The following HCN4 variants were observed in gnomAD, a reference collection of about 807,000 sequenced individuals.
HCN4 encodes the protein potassium/sodium hyperpolarization-activated cyclic nucleotide-gated channel 4.
Under a neutral mutation model 76.9 loss-of-function variants are expected in HCN4, and 29 were observed. The ratio of observed to expected loss-of-function variants is 0.38; its 90% CI spans 0.28 to 0.51. The LOEUF (loss-of-function observed/expected upper bound fraction) is 0.51. Ranked by LOEUF, HCN4 falls within the 20% of genes least tolerant of loss-of-function variation. The pLI is 0.90. For missense variants in HCN4, 1,416 were observed against 1,715.2 expected (o/e 0.83, Z 3.08); for synonymous variants, 772 against 762.5 (o/e 1.01, Z -0.21).
chr15:73,335,062 G>A (rs2042955413), intron 2 of HCN4, among the ~76,000 whole-genome samples: 1 of 152,144 alleles, frequency 6.6e-6, no homozygotes, highest in South Asian at 2.1e-4. Context: ...AAAAAAAAAG[G>A]CCTTACCAGA....
chr15:73,359,039 T>C (rs11636462), intron 1 of HCN4, among the ~76,000 whole-genome samples: 1 of 152,192 alleles, frequency 6.6e-6, no homozygotes, highest in African/African-American at 2.4e-5. Context: ...GCCCCCATTA[T>C]GTATTAATTT....
chr15:73,331,202 ACT>A (rs1229074780), intron 3 of HCN4, among the ~76,000 whole-genome samples: 1 of 151,512 alleles, frequency 6.6e-6, no homozygotes, highest in African/African-American at 2.4e-5. Flanking sequence ...GGGACTGGAA[ACT>A]CTGCCCTATG....
At chr15:73,347,261 A>G (rs1027618595) in intron 1 of HCN4, among the ~76,000 whole-genome samples, 2 of 152,130 alleles carry the variant, frequency 1.3e-5, no homozygotes, top group African/African-American at 4.8e-5. Context: ...CCTAGACTAC[A>G]CAGCTAGTGA....
intron 2 of HCN4, among the ~76,000 whole-genome samples, chr15:73,337,739 G>A (rs1443108376): frequency 6.6e-6 from 1 of 152,162 alleles, no homozygotes; most frequent in African/African-American, 2.4e-5. Flanking sequence ...TGGTCAGCAG[G>A]GCTCCTGCTA....
At chr15:73,355,715 C>G (rs531217134) in intron 1 of HCN4, among the ~76,000 whole-genome samples, 1 of 152,096 alleles carries the variant, frequency 6.6e-6, no homozygotes, top group African/African-American at 2.4e-5. Flanking sequence ...CTCTGCAGAC[C>G]CTATGTTGCA....
At position 73,323,229 on chromosome 15, in the gene HCN4, G is replaced by T. The variant is rs371562763; in HGVS notation, c.2864C>A (p.Pro955Gln). 3.1e-5 allele frequency: 48 copies of T among 1,527,886 alleles called. No individual in the cohort carries two copies. The highest frequency in any genetic ancestry group is 4.0e-5 in the Non-Finnish European group (46 of 1,139,342). The allele number at this position is 1,527,886 out of a possible 1,614,324, so 94.6% of individuals were successfully genotyped here. Residue 955 changes from proline to glutamine, a missense_variant, in exon 8 of 8, where the codon CCG (proline) becomes CAG (glutamine). Transcript: ENST00000261917. ...PPGARGGLGL[P>Q]EHFLPPPPSS... Reference sequence around the variant, plus strand: ...GGGTGGGGGTGGCAGGAAGTGCTCCGGGAGTCCCAGGCCTCCCCGGGCCCC... The same window carrying T: ...GGGTGGGGGTGGCAGGAAGTGCTCCTGGAGTCCCAGGCCTCCCCGGGCCCC...
intron 1 of HCN4, among the ~76,000 whole-genome samples, chr15:73,356,482 G>C (rs2043081561): frequency 6.6e-6 from 1 of 151,006 alleles, no homozygotes; most frequent in East Asian, 2.0e-4. Flanking sequence ...AAAAATGCTG[G>C]GATTACAGGA....
Position 73,339,808 on chromosome 15 carries a change from G to C in HCN4, c.1209+3577C>G, listed in dbSNP as rs111866423. On this transcript the variant is annotated intron_variant, in intron 2 of 7. Transcript: ENST00000261917. ...AGAGGTGGGAGAAGCCCCCGGGCTG[G>C]AGTGGCCTGCTATGGTCCTGGAGAC... 5.1e-3 allele frequency among the ~76,000 whole-genome samples: 781 copies of C among 152,270 alleles called. 15 individuals carry two copies. The highest frequency in any genetic ancestry group is 0.017 in the African/African-American group (704 of 41,556).
In HCN4 at chr15:73,325,897, C is replaced by T. The variant is rs3826043; in HGVS notation, c.1591-453G>A. Among the ~76,000 whole-genome samples, 64,257 of 151,928 alleles carry T rather than the reference C, an allele frequency of 0.42. 13,648 individuals carry two copies. The highest frequency in any genetic ancestry group is 0.53 in the East Asian group (2,747 of 5,146). ...GAGGCAAGGGTGCGATGGATCAGAA[C>T]GCTCAGAGGCAGAAGCAAGGATGCC... On this transcript the variant is annotated intron_variant, in intron 4 of 7. Transcript: ENST00000261917. This position sits in a 1 kb window ranked among gnomAD's most constrained non-coding sequence, Gnocchi z 7.4.
chr15:73,363,464 A>T (rs995794891), intron 1 of HCN4, among the ~76,000 whole-genome samples: 2 of 152,186 alleles, frequency 1.3e-5, no homozygotes, highest in African/African-American at 4.8e-5. Flanking sequence ...GCCAGGCTCC[A>T]GAGAAGGTGA....
chr15:73,368,205 C>A lies in HCN4; in HGVS notation c.66G>T (p.Lys22Asn), dbSNP rs867204798. The change falls in exon 1 of 8, where the codon AAG becomes AAT. Residue 22 changes from lysine to asparagine, a missense_variant. Physicochemically the swap from Lys to Asn is moderately conservative, Grantham distance 94. Around this residue, in one of 6 missense-constraint regions of HCN4, gnomAD observed 355 missense variants for 347.8 expected, o/e 1.02. Transcript: ENST00000261917. This position sits in a 1 kb window ranked among gnomAD's most constrained non-coding sequence, Gnocchi z 6.9. ...LYSLPQQVGAKAWIMDEEEDA... is the reference protein window; with the variant it reads ...LYSLPQQVGANAWIMDEEEDA... ...CCTCTTCCTCGTCCATGATCCACGCCTTGGCCCCCACCTGCTGCGGGAGGC... is the reference window on the plus strand; with the variant it reads ...CCTCTTCCTCGTCCATGATCCACGCATTGGCCCCCACCTGCTGCGGGAGGC... 6.5e-7 allele frequency: 1 copy of A among 1,533,036 alleles called. No individual in the cohort carries two copies. Among genetic ancestry groups the A allele is most frequent in the Non-Finnish European group, 8.8e-7 (1 of 1,141,620 alleles). 95.0% of individuals were successfully genotyped at this position (1,533,036 alleles called of 1,614,324 possible).
intron 3 of HCN4, 40 bp downstream of exon 3, chr15:73,332,091 G>T: frequency 6.2e-7 from 1 of 1,605,316 alleles, no homozygotes; most frequent in African/African-American, 1.3e-5. Context: ...TGGAGAGCCC[G>T]CCTATGGCCC....
At position 73,368,722 on chromosome 15, in the gene HCN4, G is replaced by C. The variant is rs1414582256; in HGVS notation, c.-452C>G. 1 of 152,148 alleles carries C rather than the reference G, an allele frequency of 6.6e-6. No individual in the cohort carries two copies. The highest frequency in any genetic ancestry group is 2.4e-5 in the African/African-American group (1 of 41,412). The allele number at this position is 152,148 out of a possible 1,614,324, so 9.4% of individuals were successfully genotyped here. On this transcript the variant is annotated 5_prime_UTR_variant, in exon 1 of 8. Transcript: ENST00000261917. The surrounding 1 kb of genome is among the most constrained non-coding windows in gnomAD (Gnocchi z 6.9). The stretch of plus-strand genomic sequence containing the variant: ...CCGCGGGAGGGCTGGCTGTCCGTCT[G>C]TCTCGCCGCCCGGGCTTTGTGGCTG...
At chr15:73,340,734 A>G (rs2042996168) in intron 2 of HCN4, among the ~76,000 whole-genome samples, 1 of 152,192 alleles carries the variant, frequency 6.6e-6, no homozygotes, top group Non-Finnish European at 1.5e-5. Flanking sequence ...TAGTCCTTTG[A>G]TCCCAGCGCC....
At chr15:73,357,178 G>A (rs752147097) in intron 1 of HCN4, among the ~76,000 whole-genome samples, 5 of 152,140 alleles carry the variant, frequency 3.3e-5, no homozygotes, top group Non-Finnish European at 7.4e-5. Flanking sequence ...ACCCCTCTCT[G>A]GTCCCATTTT....
chr15:73,330,272 T>A (rs1303981005), intron 3 of HCN4, among the ~76,000 whole-genome samples: 1 of 152,242 alleles, frequency 6.6e-6, no homozygotes, highest in East Asian at 1.9e-4. Context: ...ACTGTCCTCA[T>A]TTTGGATGAG....
At chr15:73,323,987 C>CG in intron 7 of HCN4, 38 bp from the exon 8 acceptor site, 1 of 1,610,020 alleles carries the variant, frequency 6.2e-7, no homozygotes, top group Non-Finnish European at 8.5e-7. Flanking sequence ...CAGGGCAGAG[C>CG]GGGGAAGGAG....
rs774337953 is a variant in HCN4, at chr15:73,343,371, C to T, written c.1209+14G>A. On this transcript the variant is annotated intron_variant, in intron 2 of 7. Transcript: ENST00000261917. This position sits in a 1 kb window ranked among gnomAD's most constrained non-coding sequence, Gnocchi z 5.7. Reference sequence around the variant, plus strand: ...AGTGGCCTTTCCCCCAAGAGGTTTGCACTGACCACTTACCTCTTCCCACTG... The same window carrying T: ...AGTGGCCTTTCCCCCAAGAGGTTTGTACTGACCACTTACCTCTTCCCACTG... 1.2e-6 allele frequency: 2 copies of T among 1,613,256 alleles called. No individual in the cohort carries two copies. Among genetic ancestry groups the T allele is most frequent in the Non-Finnish European group, 1.7e-6 (2 of 1,179,472 alleles).
chr15:73,323,926 G>A lies in HCN4; in HGVS notation c.2167C>T (p.His723Tyr). 1 of 1,604,372 alleles carries A rather than the reference G, an allele frequency of 6.2e-7. No individual in the cohort carries two copies. The highest frequency in any genetic ancestry group is 8.5e-7 in the Non-Finnish European group (1 of 1,179,942). The change falls in exon 8 of 8, where the codon CAC becomes TAC. Residue 723 changes from histidine to tyrosine, a missense_variant. Coordinates refer to ENST00000261917, the MANE Select transcript of HCN4 (RefSeq NM_005477.3). ...GAGTTGAGGTCGTGCTGGACTTTGTGGAGGAGGATGGAGTTCTTCTTGCCT... is the reference window on the plus strand; with the variant it reads ...GAGTTGAGGTCGTGCTGGACTTTGTAGAGGAGGATGGAGTTCTTCTTGCCT... ...RIGKKNSILL[H>Y]KVQHDLNSGV... is the part of the protein sequence containing the mutation.
Sources: allele counts gnomAD v4.1 joint callset (sites outside exome capture counted in the v4.1 genomes callset), GRCh38; gene constraint gnomAD v4.1.1; regional missense constraint gnomAD v4.1.1; non-coding constraint Gnocchi (gnomAD v3.1); transcripts MANE v1.5; gene names NCBI Gene and HGNC (gene_info 2026-07-23, HGNC 2026-07-21).